Variants in EHBP1 observed in about 807,000 individuals in gnomAD.
The protein encoded by EHBP1 is EH domain binding protein 1, also known as EH domain-binding protein 1.
A neutral mutation model predicts 144.0 loss-of-function variants in EHBP1; 55 were observed. The observed-to-expected ratio is 0.38, with a 90% CI of 0.31 to 0.48. EHBP1 has a LOEUF of 0.48. Ranked by LOEUF, EHBP1 falls within the 20% of genes least tolerant of loss-of-function variation. The pLI is 0.98. For missense variants in EHBP1, 1,200 were observed against 1,364.2 expected, an observed-to-expected ratio of 0.88 and a Z score of 1.90; for synonymous variants, 469 against 472.7, an observed-to-expected ratio of 0.99 and a Z score of 0.10.
intron 14 of EHBP1, among the ~76,000 whole-genome samples, chr2:62,977,656 G>A (rs940280865): frequency 6.6e-6 from 1 of 151,960 alleles, no homozygotes; most frequent in Non-Finnish European, 1.5e-5. Flanking sequence ...TGCTTGAAAT[G>A]GTTACAGCAC....
chr2:63,038,895 T>C lies in EHBP1; in HGVS notation c.3277+79T>C. Reference sequence around the variant, plus strand: ...TTTAAAGAATATAATACACTTCTGGTCTTACTAGATCTGGTGTACTAGGGA... The same window carrying C: ...TTTAAAGAATATAATACACTTCTGGCCTTACTAGATCTGGTGTACTAGGGA... On this transcript the variant is annotated intron_variant, in intron 21 of 22. Transcript: ENST00000431489. The C allele has an allele frequency of 3.0e-6, 4 of 1,347,384 alleles. No homozygotes were observed. The South Asian group carries it at 4.8e-5, about 16-fold the overall frequency. The allele number at this position is 1,347,384 out of a possible 1,614,324, so 83.5% of individuals were successfully genotyped here.
chr2:63,032,893 CAA>C (rs2061321519), intron 19 of EHBP1, among the ~76,000 whole-genome samples: 1 of 152,100 alleles, frequency 6.6e-6, no homozygotes, highest in African/African-American at 2.4e-5. Context: ...GGATTTTTCC[CAA>C]AGTTTGTACT....
At chr2:62,996,819 A>C in intron 19 of EHBP1, 53 bp downstream of exon 19, 1 of 1,592,264 alleles carries the variant, frequency 6.3e-7, no homozygotes, top group Non-Finnish European at 8.5e-7. Context: ...GCGTTCACAA[A>C]CTCTTATAGA....
At chr2:62,693,649 G>T (rs1176738705) in intron 1 of EHBP1, among the ~76,000 whole-genome samples, 3 of 152,088 alleles carry the variant, frequency 2.0e-5, no homozygotes, top group Non-Finnish European at 4.4e-5. Context: ...TTCTGTTCTA[G>T]CTACTTTGAA....
At chr2:62,716,125 A>C (rs1391423362) in intron 2 of EHBP1, among the ~76,000 whole-genome samples, 1 of 151,384 alleles carries the variant, frequency 6.6e-6, no homozygotes, top group East Asian at 1.9e-4. Context: ...TGTCCCACCC[A>C]TTTCTTGCCC....
intron 14 of EHBP1, among the ~76,000 whole-genome samples, chr2:62,975,232 A>G (rs2058659834): frequency 1.3e-5 from 2 of 152,344 alleles, no homozygotes; most frequent in Non-Finnish European, 1.5e-5. Flanking sequence ...AGGACAGAAT[A>G]TAAGAATTTC....
intron 5 of EHBP1, among the ~76,000 whole-genome samples, chr2:62,786,853 A>T: frequency 6.6e-6 from 1 of 152,164 alleles, no homozygotes; most frequent in Admixed American, 6.5e-5. Flanking sequence ...ATTGCATGTT[A>T]TCTTGTGTGT....
chr2:63,025,090 A>G (rs1384925767), intron 19 of EHBP1, among the ~76,000 whole-genome samples: 2 of 152,248 alleles, frequency 1.3e-5, no homozygotes, highest in African/African-American at 2.4e-5. Context: ...ATTTCATTAA[A>G]AGATTAGTTT....
At chr2:62,831,211 A>C (rs1318599203) in intron 7 of EHBP1, 53 bp downstream of exon 7, 13 of 1,513,754 alleles carry the variant, frequency 8.6e-6, no homozygotes, top group Non-Finnish European at 1.2e-5. Flanking sequence ...CAGAGTTCAA[A>C]AACTCATTCT....
chr2:62,958,002 A>C (rs777137260), intron 14 of EHBP1, among the ~76,000 whole-genome samples: 4 of 152,220 alleles, frequency 2.6e-5, no homozygotes, highest in Non-Finnish European at 4.4e-5. Context: ...GTTATCAAGC[A>C]AATGAAACTC....
chr2:62,791,634 G>A (rs1185278498), intron 5 of EHBP1, among the ~76,000 whole-genome samples: 1 of 151,886 alleles, frequency 6.6e-6, no homozygotes, highest in African/African-American at 2.4e-5. Context: ...TAAAAAATAG[G>A]TTATGATGTC....
chr2:62,912,133 A>G (rs866539864), intron 10 of EHBP1, among the ~76,000 whole-genome samples: 13 of 152,132 alleles, frequency 8.5e-5, no homozygotes, highest in East Asian at 5.8e-4. Flanking sequence ...AACCATCTCT[A>G]TGAGTGATAT....
chr2:62,962,778 T>G (rs1310134136), intron 14 of EHBP1, among the ~76,000 whole-genome samples: 2 of 152,250 alleles, frequency 1.3e-5, no homozygotes, highest in Non-Finnish European at 2.9e-5. Flanking sequence ...TTGTTTTGTT[T>G]AAGCAGTAAT....
intron 5 of EHBP1, among the ~76,000 whole-genome samples, chr2:62,773,534 A>C (rs923799890): frequency 5.3e-5 from 8 of 151,722 alleles, no homozygotes. Flanking sequence ...GTATAGTTAA[A>C]CTCTGTGAAC....
intron 1 of EHBP1, among the ~76,000 whole-genome samples, chr2:62,695,368 G>GAAAA (rs990730744): frequency 6.7e-6 from 1 of 150,128 alleles, no homozygotes; most frequent in Non-Finnish European, 1.5e-5. Flanking sequence ...CTCAAAAAGA[G>GAAAA]AAAAAAAAAG....
intron 19 of EHBP1, among the ~76,000 whole-genome samples, chr2:63,036,026 G>A (rs75167645): frequency 2.2e-3 from 332 of 152,112 alleles, no homozygotes; most frequent in Non-Finnish European, 3.9e-3. Flanking sequence ...AGCATTGAAT[G>A]AAGGCATATA....
intron 10 of EHBP1, among the ~76,000 whole-genome samples, chr2:62,890,187 C>T (rs766018710): frequency 6.6e-6 from 1 of 152,056 alleles, no homozygotes; most frequent in East Asian, 1.9e-4. Context: ...CTGCCCACCT[C>T]GGCCTCCCAA....
At chr2:62,729,431 TA>T (rs2037209958) in intron 2 of EHBP1, among the ~76,000 whole-genome samples, 1 of 84,500 alleles carries the variant, frequency 1.2e-5, no homozygotes, top group South Asian at 3.1e-4. Context: ...TATAATATAA[TA>T]ATAATAAATA....
chr2:62,851,414 G>A (rs925855204), intron 7 of EHBP1, among the ~76,000 whole-genome samples: 4 of 152,050 alleles, frequency 2.6e-5, no homozygotes, highest in African/African-American at 9.7e-5. Flanking sequence ...TAATCATAAT[G>A]TCTACTTGTC....
Sources: allele counts gnomAD v4.1 joint callset (sites outside exome capture counted in the v4.1 genomes callset), GRCh38; gene constraint gnomAD v4.1.1; transcripts MANE v1.5; gene names NCBI Gene and HGNC (gene_info 2026-07-23, HGNC 2026-07-21).